Variants in DNAH7 observed in about 807,000 individuals in gnomAD.
DNAH7 encodes dynein axonemal heavy chain 7.
Under a neutral mutation model 444.6 loss-of-function variants are expected in DNAH7, and 397 were observed. That is an observed-to-expected ratio of 0.89 (90% confidence interval 0.82 to 0.97). The LOEUF (loss-of-function observed/expected upper bound fraction) is 0.97, where lower values mean the gene tolerates loss of function less well. Among genes scored for constraint, DNAH7 ranks in the 50% least tolerant of loss-of-function variants. The pLI is 0.00. For missense variants in DNAH7, 4,902 were observed against 4,800.8 expected (o/e 1.02, Z -0.62); for synonymous variants, 1,636 against 1,624.4 (o/e 1.01, Z -0.17).
intron 22 of DNAH7, 47 bp downstream of exon 22, chr2:195,926,379 C>T (rs755019179): frequency 2.8e-6 from 4 of 1,419,106 alleles, no homozygotes; most frequent in Non-Finnish European, 3.7e-6. Context: ...GGCAATAATA[C>T]TATTGAAAAA....
Position 195,775,968 on chromosome 2 carries a change from C to T in DNAH7, c.11080G>A (p.Glu3694Lys), listed in dbSNP as rs748239929. 1.6e-5 allele frequency: 26 copies of T among 1,613,870 alleles called. No homozygotes were observed. Among genetic ancestry groups the T allele is most frequent in the Middle Eastern group, 1.7e-4 (1 of 6,014 alleles). The part of the protein sequence containing the change: ...PPSGDHKSYI[E>K]YTKTLPLTPA... ...GTCAGTGGCAGAGTCTTTGTGTATTCGATGTAGCTTTTGTGCTGCAGAGAT... is the reference window on the plus strand; with the variant it reads ...GTCAGTGGCAGAGTCTTTGTGTATTTGATGTAGCTTTTGTGCTGCAGAGAT... Residue 3694 changes from glutamate (E) to lysine (K), a missense_variant, in exon 60 of 65, where the codon GAA (glutamate) becomes AAA (lysine). Transcript: ENST00000312428.
Position 195,900,407 on chromosome 2 carries a change from G to A in DNAH7, c.4423C>T (p.Arg1475Ter), listed in dbSNP as rs376085913. The change falls in exon 28 of 65, where the codon CGA (arginine) becomes TGA (stop). Residue 1475 changes from arginine to a stop codon, truncating the protein, a stop_gained. Coordinates refer to ENST00000312428, the MANE Select transcript of DNAH7 (RefSeq NM_018897.3). LOFTEE classifies it high-confidence loss of function. ...GCCACAATTTTTACAGACAGTGGTC[G>A]AGCAGTGACAAACCCACAGGAGTAT... ...VLYSCGFVTARPLSVKIVATY... is the reference protein window; with the variant it reads ...VLYSCGFVTA 4.5e-5 allele frequency: 72 copies of A among 1,613,860 alleles called. No homozygotes were observed. The highest frequency in any genetic ancestry group is 7.7e-5 in the South Asian group (7 of 91,088).
At chr2:195,930,909 G>A (rs556580526) in intron 21 of DNAH7, among the ~76,000 whole-genome samples, 6 of 152,124 alleles carry the variant, frequency 3.9e-5, no homozygotes, top group Non-Finnish European at 7.4e-5. Context: ...CATCCTAAGC[G>A]AATTAACACA....
At chr2:195,945,510 T>C (rs1389318371) in intron 19 of DNAH7, among the ~76,000 whole-genome samples, 1 of 152,206 alleles carries the variant, frequency 6.6e-6, no homozygotes, top group Non-Finnish European at 1.5e-5. Flanking sequence ...GACAGAAAGC[T>C]GGTCACTTTC....
intron 12 of DNAH7, among the ~76,000 whole-genome samples, chr2:195,998,083 C>G (rs1005141214): frequency 1.3e-5 from 2 of 152,218 alleles, no homozygotes; most frequent in African/African-American, 4.8e-5. Flanking sequence ...GTTTCAGAAC[C>G]ATTACCCATG....
chr2:195,799,592 T>C, intron 54 of DNAH7, 120 bp from the exon 55 acceptor site: 1 of 791,612 alleles, frequency 1.3e-6, no homozygotes, highest in Middle Eastern at 4.1e-4. Flanking sequence ...TAGGTATTCA[T>C]TAATGGTGGG....
At chr2:195,805,027 A>G (rs1183756571) in intron 54 of DNAH7, among the ~76,000 whole-genome samples, 17 of 152,050 alleles carry the variant, frequency 1.1e-4, no homozygotes, top group Admixed American at 1.1e-3. Context: ...CACCAAAAAA[A>G]CCCCTCAGCT....
At chr2:195,862,047 G>C in intron 41 of DNAH7, 101 bp from the exon 42 acceptor site, 1 of 883,258 alleles carries the variant, frequency 1.1e-6, no homozygotes, top group Non-Finnish European at 1.8e-6. Context: ...GGGTGAAGGG[G>C]AATAGTGTGA....
At chr2:195,927,446 G>A (rs1465344539) in intron 21 of DNAH7, among the ~76,000 whole-genome samples, 1 of 151,970 alleles carries the variant, frequency 6.6e-6, no homozygotes, top group African/African-American at 2.4e-5. Flanking sequence ...ACATTTTTAA[G>A]AGCAGAAGAA....
At position 195,906,775 on chromosome 2, in the gene DNAH7, C is replaced by A; in HGVS notation, c.4219G>T (p.Gly1407Cys). The change falls in exon 27 of 65, where the codon GGT becomes TGT. Residue 1407 changes from glycine (G) to cysteine (C), a missense_variant. Gly to Cys is a radical substitution (Grantham distance 159). Coordinates refer to ENST00000312428, the MANE Select transcript of DNAH7 (RefSeq NM_018897.3). ...CCTTCAAACATCAGTATATCAGCAC[C>A]TGCATTAATACCTGTAGGTAATCAG... ...ILTIQRGINA[G>C]ADILMFEGTE... is the part of the protein sequence containing the mutation. 1 of 1,613,290 alleles carries A rather than the reference C, an allele frequency of 6.2e-7. No individual in the cohort carries two copies. The highest frequency in any genetic ancestry group is 8.5e-7 in the Non-Finnish European group (1 of 1,179,524).
intron 49 of DNAH7, 51 bp downstream of exon 49, chr2:195,824,204 T>C (rs769025210): frequency 3.3e-6 from 5 of 1,508,486 alleles, no homozygotes; most frequent in Admixed American, 3.8e-5. Flanking sequence ...GAGGAATATA[T>C]AGTCACTAAT....
chr2:195,888,212 G>A, intron 33 of DNAH7, 46 bp downstream of exon 33: 1 of 1,478,954 alleles, frequency 6.8e-7, no homozygotes, highest in South Asian at 1.2e-5. Flanking sequence ...AGTCTAATTT[G>A]AGTTTTCCAT....
At position 195,913,904 on chromosome 2, in the gene DNAH7, C is replaced by T. The variant is rs143476062; in HGVS notation, c.3936-3709G>A. 3.1e-3 allele frequency among the ~76,000 whole-genome samples: 467 copies of T among 152,268 alleles called. 4 individuals carry two copies. The highest frequency in any genetic ancestry group is 5.4e-3 in the Non-Finnish European group (370 of 68,012). On this transcript the variant is annotated intron_variant, in intron 24 of 64. Transcript: ENST00000312428. ...CAAGTTTTTGTATTTTTAGTAGAAA[C>T]GGGGTTTCACCATGTTGGCCAGGCT...
rs778482038 is a variant in DNAH7, at chr2:196,068,731, C to A, written c.-20G>T. 9.7e-6 allele frequency: 15 copies of A among 1,550,802 alleles called. No homozygotes were observed. Among genetic ancestry groups the A allele is most frequent in the Middle Eastern group, 1.8e-4 (1 of 5,456 alleles). ...GCTCATGGCTGCGAGGACGCGCTGG[C>A]CTCACCGGTGCTTCTGGGTTGCTCC... is the stretch of plus-strand genomic sequence containing the variant. On this transcript the variant is annotated 5_prime_UTR_variant, in exon 1 of 65. Coordinates refer to ENST00000312428, the MANE Select transcript of DNAH7 (RefSeq NM_018897.3).
At chr2:195,980,772 G>A (rs1354797415) in intron 15 of DNAH7, among the ~76,000 whole-genome samples, 2 of 151,782 alleles carry the variant, frequency 1.3e-5, no homozygotes, top group African/African-American at 4.8e-5. Context: ...CATTTTGATT[G>A]ATGCTAAAAA....
chr2:196,036,230 C>T (rs1304515775), intron 5 of DNAH7, among the ~76,000 whole-genome samples: 5 of 152,050 alleles, frequency 3.3e-5, no homozygotes, highest in South Asian at 4.1e-4. Context: ...GACAGGGTTT[C>T]GCCATGTTGG....
At chr2:196,066,759 C>T (rs1030402181) in intron 1 of DNAH7, among the ~76,000 whole-genome samples, 10 of 152,282 alleles carry the variant, frequency 6.6e-5, no homozygotes, top group African/African-American at 2.4e-4. Context: ...TCTCCTTCAG[C>T]AAATACGATT....
At chr2:195,833,539 G>T (rs1303798559) in intron 48 of DNAH7, among the ~76,000 whole-genome samples, 1 of 152,182 alleles carries the variant, frequency 6.6e-6, no homozygotes, top group Non-Finnish European at 1.5e-5. Context: ...ATTTGGCCAT[G>T]TAAATAGTCA....
chr2:195,782,960 A>G (rs1262293442), intron 58 of DNAH7, among the ~76,000 whole-genome samples: 1 of 152,064 alleles, frequency 6.6e-6, no homozygotes, highest in Non-Finnish European at 1.5e-5. Flanking sequence ...ATAAATCTCT[A>G]TTTTGTGCTC....
Sources: allele counts gnomAD v4.1 joint callset (sites outside exome capture counted in the v4.1 genomes callset), GRCh38; gene constraint gnomAD v4.1.1; transcripts MANE v1.5; gene names NCBI Gene and HGNC (gene_info 2026-07-23, HGNC 2026-07-21).